The following PCDH9 variants were observed in gnomAD, a reference collection of about 807,000 sequenced individuals.
PCDH9 encodes the protein protocadherin-9.
In PCDH9, 24 loss-of-function variants were observed where a neutral mutation model predicts 70.6. The observed-to-expected ratio is 0.34, with a 90% CI of 0.25 to 0.48. The LOEUF is 0.48. Among genes scored for constraint, PCDH9 ranks in the 20% least tolerant of loss-of-function variants. The pLI is 0.99. For missense variants in PCDH9, 1,281 were observed against 1,503.6 expected, an observed-to-expected ratio of 0.85 and a Z score of 2.45; for synonymous variants, 562 against 558.5, an observed-to-expected ratio of 1.01 and a Z score of -0.09.
At chr13:66,739,542 C>T (rs867403689) in intron 3 of PCDH9, among the ~76,000 whole-genome samples, 2,106 of 143,338 alleles carry the variant, frequency 0.015, 60 homozygotes, top group African/African-American at 0.05. Flanking sequence ...AAGACACAGA[C>T]TGGCAAGTTG....
intron 3 of PCDH9, among the ~76,000 whole-genome samples, chr13:66,822,984 C>T (rs9599155): frequency 0.35 from 53,362 of 151,702 alleles, 10,068 homozygotes; most frequent in Non-Finnish European, 0.43. Context: ...AAAATGTTAA[C>T]TTGTATATGT....
intron 4 of PCDH9, among the ~76,000 whole-genome samples, chr13:66,392,705 A>G (rs1041945342): frequency 6.6e-6 from 1 of 152,122 alleles, no homozygotes; most frequent in Non-Finnish European, 1.5e-5. Flanking sequence ...TTTCTTATAT[A>G]GGTAAAAGTA....
chr13:66,675,781 G>A lies in PCDH9; in HGVS notation c.3139-44370C>T, dbSNP rs777804307. Among the ~76,000 whole-genome samples the A allele has an allele frequency of 2.5e-4, 38 of 152,068 alleles. 1 individual carries two copies. Among genetic ancestry groups the A allele is most frequent in the Non-Finnish European group, 4.6e-4 (31 of 67,990 alleles). ...CCTTCATCTTTCTTCAGAATGGTAA[G>A]AATTGGTGCCAGAATCCTTGGACTT... On this transcript the variant is annotated intron_variant, in intron 3 of 4. Coordinates refer to ENST00000377865, the MANE Select transcript of PCDH9 (RefSeq NM_203487.3).
intron 2 of PCDH9, among the ~76,000 whole-genome samples, chr13:66,971,466 T>A (rs907710098): frequency 2.0e-5 from 3 of 152,086 alleles, no homozygotes; most frequent in African/African-American, 7.2e-5. Flanking sequence ...GATGAATGCA[T>A]GAAAAAGTTT....
chr13:66,495,341 T>C (rs1959097738), intron 4 of PCDH9, among the ~76,000 whole-genome samples: 1 of 152,150 alleles, frequency 6.6e-6, no homozygotes, highest in Non-Finnish European at 1.5e-5. Flanking sequence ...AATGACACAT[T>C]GAAAAACACT....
At chr13:66,875,588 GA>G (rs1385310727) in intron 3 of PCDH9, among the ~76,000 whole-genome samples, 1 of 152,096 alleles carries the variant, frequency 6.6e-6, no homozygotes, top group Non-Finnish European at 1.5e-5. Flanking sequence ...CTATTTCAGT[GA>G]AAAGAACTGC....
chr13:66,957,145 A>T (rs1186404608), intron 2 of PCDH9, among the ~76,000 whole-genome samples: 1 of 152,204 alleles, frequency 6.6e-6, no homozygotes, highest in African/African-American at 2.4e-5. Flanking sequence ...AAAGTAGCTT[A>T]AAATTACATT....
chr13:67,090,252 T>C (rs796089190), intron 2 of PCDH9, among the ~76,000 whole-genome samples: 2 of 152,160 alleles, frequency 1.3e-5, no homozygotes, highest in African/African-American at 4.8e-5. Flanking sequence ...CTTGTGAAAA[T>C]GCATATTCTC....
intron 3 of PCDH9, among the ~76,000 whole-genome samples, chr13:66,887,963 G>C (rs975745190): frequency 7.2e-5 from 11 of 152,106 alleles, no homozygotes; most frequent in African/African-American, 2.2e-4. Context: ...TTGTTATATA[G>C]GTAGTTTTCT....
At chr13:66,501,765 G>GA (rs1249667027) in intron 4 of PCDH9, among the ~76,000 whole-genome samples, 9 of 151,932 alleles carry the variant, frequency 5.9e-5, no homozygotes, top group African/African-American at 1.9e-4. Flanking sequence ...AAAAGAAAAA[G>GA]AAAAAAATCC....
chr13:66,605,845 T>G (rs1447485838), intron 4 of PCDH9, among the ~76,000 whole-genome samples: 1 of 152,126 alleles, frequency 6.6e-6, no homozygotes, highest in African/African-American at 2.4e-5. Context: ...ATACACCATG[T>G]GCTAGGGACA....
chr13:67,144,550 C>T (rs540343441), intron 2 of PCDH9, among the ~76,000 whole-genome samples: 2 of 152,180 alleles, frequency 1.3e-5, no homozygotes, highest in East Asian at 1.9e-4. Context: ...ATGTGTAAAA[C>T]ATTAGATACT....
chr13:66,543,676 C>G (rs770121671), intron 4 of PCDH9, among the ~76,000 whole-genome samples: 15 of 151,934 alleles, frequency 9.9e-5, no homozygotes, highest in East Asian at 1.9e-4. Flanking sequence ...AGAGGGTATA[C>G]AGAAAAGTCA....
chr13:66,422,760 G>A (rs1252281188), intron 4 of PCDH9, among the ~76,000 whole-genome samples: 1 of 151,954 alleles, frequency 6.6e-6, no homozygotes, highest in East Asian at 1.9e-4. Flanking sequence ...AGAAGCAAGA[G>A]CAAATAAATT....
intron 2 of PCDH9, among the ~76,000 whole-genome samples, chr13:67,055,034 G>T (rs2085392050): frequency 6.6e-6 from 1 of 152,182 alleles, no homozygotes; most frequent in Non-Finnish European, 1.5e-5. Context: ...TCCTGTTAAA[G>T]TTCTCACTAT....
At position 66,370,669 on chromosome 13, in the gene PCDH9, C is replaced by A. The variant is rs75484245; in HGVS notation, c.3341-65641G>T. On this transcript the variant is annotated intron_variant, in intron 4 of 4. Transcript: ENST00000377865. ...GGGACTACAGGTACATGCCATCATG[C>A]CCAGTTAATTTTTCAAAAAATTTAT... 1.3e-4 allele frequency among the ~76,000 whole-genome samples: 20 copies of A among 151,828 alleles called. No homozygotes were observed. The East Asian group carries it at 3.1e-3, about 24-fold the overall frequency.
intron 4 of PCDH9, among the ~76,000 whole-genome samples, chr13:66,392,524 C>T (rs1165569879): frequency 6.6e-6 from 1 of 152,142 alleles, no homozygotes; most frequent in Non-Finnish European, 1.5e-5. Context: ...AGCTGCTCCT[C>T]AATTTGTTTG....
intron 3 of PCDH9, among the ~76,000 whole-genome samples, chr13:66,776,880 T>C (rs1159782482): frequency 7.2e-6 from 1 of 138,692 alleles, no homozygotes; most frequent in East Asian, 2.4e-4. Flanking sequence ...CTTCAAACTA[T>C]ACTACAAGGC....
intron 4 of PCDH9, among the ~76,000 whole-genome samples, chr13:66,536,645 A>C (rs1960716218): frequency 6.6e-6 from 1 of 152,130 alleles, no homozygotes; most frequent in Non-Finnish European, 1.5e-5. Context: ...TGTTAACTGA[A>C]TTCTACAAAA....
Sources: gnomAD v4.1 joint callset for allele counts (sites outside exome capture counted in the v4.1 genomes callset) on GRCh38, gnomAD v4.1.1 for gene constraint, MANE v1.5 for transcripts, NCBI Gene and HGNC (gene_info 2026-07-23, HGNC 2026-07-21) for gene names.